SPACA6: variants seen among roughly 807,000 people sequenced by gnomAD.
SPACA6 encodes the protein sperm acrosome membrane-associated protein 6.
For synonymous variants in SPACA6, 6 were observed against 1.5 expected (o/e 4.05, Z -2.21); for missense variants, 8 against 2.8 (o/e 2.88, Z -1.34).
At chr19:51,706,652 C>T (rs1018480962), downstream of SPACA6, among the ~76,000 whole-genome samples, 1 of 151,946 alleles carries the variant, frequency 6.6e-6, no homozygotes, top group African/African-American at 2.4e-5. Context: ...CTGAGCTCAT[C>T]TGGACCTAAT....
At chr19:51,688,834 G>A (rs1283482709), upstream of SPACA6, among the ~76,000 whole-genome samples, 4 of 151,386 alleles carry the variant, frequency 2.6e-5, no homozygotes, top group Non-Finnish European at 5.9e-5. Context: ...GAGGACAGAC[G>A]GAAAGAGACA....
upstream of SPACA6, chr19:51,692,923 AGCCCCACTGGGCT>A: frequency 1.9e-6 from 1 of 524,324 alleles, no homozygotes. The surrounding 1 kb of genome is among the most constrained non-coding windows in gnomAD (Gnocchi z 5.6). Flanking sequence ...AGGGACCCTT[AGCCCCACTGGGCT>A]GCCCCAGGGA....
At chr19:51,706,428 G>T (rs548508030), downstream of SPACA6, among the ~76,000 whole-genome samples, 2 of 152,108 alleles carry the variant, frequency 1.3e-5, no homozygotes, top group African/African-American at 4.8e-5. Context: ...CAGGCCCCTT[G>T]CTACTTTCCA....
chr19:51,694,258 G>A (rs1600135494), intron 1 of SPACA6: 3 of 356,812 alleles, frequency 8.4e-6, no homozygotes, highest in East Asian at 4.1e-5. Flanking sequence ...ATGAGGCAGA[G>A]ACTAGGGGAA....
At chr19:51,694,880 C>G (rs954933164) in intron 2 of SPACA6, among the ~76,000 whole-genome samples, 1 of 152,048 alleles carries the variant, frequency 6.6e-6, no homozygotes, top group African/African-American at 2.4e-5. Context: ...CTGGGTGTGT[C>G]ACTGCCCCTC....
chr19:51,700,521 T>C (rs1409214823), intron 2 of SPACA6, among the ~76,000 whole-genome samples: 2 of 152,230 alleles, frequency 1.3e-5, no homozygotes, highest in Non-Finnish European at 2.9e-5. Flanking sequence ...CATTTTCTTT[T>C]AAACACTTTC....
chr19:51,704,264 C>T lies in SPACA6; in HGVS notation c.731-6C>T, dbSNP rs1430551800. 4 of 400,576 alleles carry T rather than the reference C, an allele frequency of 1.0e-5. No individual in the cohort carries two copies. The highest frequency in any genetic ancestry group is 1.8e-5 in the Non-Finnish European group (4 of 225,962). 24.8% of individuals were successfully genotyped at this position (400,576 alleles called of 1,614,324 possible). A position where few individuals can be genotyped will look rare whatever the true frequency, so the allele number is the denominator to read the frequency against. On this transcript the variant is annotated splice_polypyrimidine_tract_variant and splice_region_variant and intron_variant, in intron 7 of 8. Coordinates refer to ENST00000637797, the MANE Select transcript of SPACA6 (RefSeq NM_001316972.2). Reference sequence around the variant, plus strand: ...TCGTGCCTGGCTGACGTGCGCGCCCCCGCAGTGACGGGCCCGCCCCCGCGG... The same window carrying T: ...TCGTGCCTGGCTGACGTGCGCGCCCTCGCAGTGACGGGCCCGCCCCCGCGG...
chr19:51,699,441 T>G (rs2083453228), intron 2 of SPACA6, among the ~76,000 whole-genome samples: 1 of 152,170 alleles, frequency 6.6e-6, no homozygotes. Context: ...AGGTTATAGA[T>G]ATATAGGTAT....
intron 2 of SPACA6, among the ~76,000 whole-genome samples, chr19:51,710,612 T>G (rs2083537199): frequency 6.6e-6 from 1 of 152,176 alleles, no homozygotes; most frequent in Admixed American, 6.5e-5. Context: ...AAGGGCGAAG[T>G]CTGGTCTGAA....
At chr19:51,687,655 G>A, upstream of SPACA6, 1 of 152,134 alleles carries the variant, frequency 6.6e-6, no homozygotes, top group Non-Finnish European at 1.5e-5. Flanking sequence ...GTGGCTGGAG[G>A]ATAGGGAGGG....
intron 2 of SPACA6, among the ~76,000 whole-genome samples, chr19:51,696,596 C>T (rs1455235735): frequency 6.6e-6 from 1 of 151,624 alleles, no homozygotes. Context: ...TATAGGTGTG[C>T]GCCACCATCT....
downstream of SPACA6, among the ~76,000 whole-genome samples, chr19:51,712,645 C>T (rs1278655014): frequency 6.6e-6 from 1 of 152,138 alleles, no homozygotes; most frequent in East Asian, 1.9e-4. Flanking sequence ...AGGTCACCCT[C>T]AGCAACAGGA....
intron 2 of SPACA6, among the ~76,000 whole-genome samples, chr19:51,695,173 T>C (rs1600136635): frequency 6.6e-6 from 1 of 152,204 alleles, no homozygotes; most frequent in Non-Finnish European, 1.5e-5. Context: ...ATCACTCAGG[T>C]GACAGCAGTG....
rs569172583 is a variant in SPACA6 at position 51,693,643 on chromosome 19, C to T, written c.117C>T (p.Arg39=). The change falls in exon 1 of 9, where the codon CGC becomes CGT. Residue 39 remains arginine, a synonymous_variant. Coordinates refer to ENST00000637797, the MANE Select transcript of SPACA6 (RefSeq NM_001316972.2). The part of the protein sequence containing the change: ...LCFTTYSERL[R]ICQMFVGMRS... ...TCACAACCTACTCTGAGCGCCTCCGCATCTGCCAGATGTTTGTTGGGATGC... is the reference window on the plus strand; with the variant it reads ...TCACAACCTACTCTGAGCGCCTCCGTATCTGCCAGATGTTTGTTGGGATGC... 5 of 414,736 alleles carry T rather than the reference C, an allele frequency of 1.2e-5. No individual in the cohort carries two copies. The highest frequency in any genetic ancestry group is 3.5e-5 in the East Asian group (1 of 28,946). 25.7% of individuals were successfully genotyped at this position (414,736 alleles called of 1,614,324 possible).
chr19:51,708,990 G>T (rs914692733), downstream of SPACA6, among the ~76,000 whole-genome samples: 10 of 152,176 alleles, frequency 6.6e-5, no homozygotes, highest in Non-Finnish European at 1.2e-4. Flanking sequence ...GCCTTAGGAA[G>T]TGGATACACA....
upstream of SPACA6, among the ~76,000 whole-genome samples, chr19:51,690,181 A>C (rs2083357632): frequency 6.6e-6 from 1 of 150,872 alleles, no homozygotes. Flanking sequence ...CTGGGAGTAC[A>C]CCACCCAGTC....
At chr19:51,708,538 T>C (rs1159717685), downstream of SPACA6, among the ~76,000 whole-genome samples, 1 of 151,782 alleles carries the variant, frequency 6.6e-6, no homozygotes, top group East Asian at 1.9e-4. Flanking sequence ...TGAAGAGTGT[T>C]CCAGGTGGCC....
chr19:51,701,177 G>T (rs377304170), intron 2 of SPACA6, among the ~76,000 whole-genome samples: 1 of 152,100 alleles, frequency 6.6e-6, no homozygotes. Flanking sequence ...AGCCGAGATC[G>T]CACCACTGCA....
chr19:51,706,316 T>A (rs367994033), downstream of SPACA6, among the ~76,000 whole-genome samples: 1 of 152,178 alleles, frequency 6.6e-6, no homozygotes, highest in Admixed American at 6.5e-5. Context: ...TTAACTCTTA[T>A]GATTTCCCCT....
Sources: gnomAD v4.1 joint callset for allele counts (sites outside exome capture counted in the v4.1 genomes callset) on GRCh38, gnomAD v4.1.1 for gene constraint, Gnocchi (gnomAD v3.1) non-coding constraint, MANE v1.5 for transcripts, NCBI Gene and HGNC (gene_info 2026-07-23, HGNC 2026-07-21) for gene names.